Variants in SERPINF1 observed in about 807,000 individuals in gnomAD.
SERPINF1 encodes the protein pigment epithelium-derived factor.
SERPINF1 carries 29 observed loss-of-function variants against 37.3 expected under a neutral mutation model. The observed-to-expected ratio is 0.78, with a 90% CI of 0.58 to 1.06. The LOEUF is 1.06. Ranked by LOEUF, SERPINF1 falls within the 50% of genes least tolerant of loss-of-function variation. The pLI is 0.00. For synonymous variants in SERPINF1, 281 were observed against 227.9 expected (o/e 1.23, Z -2.10); for missense variants, 553 against 532.2 (o/e 1.04, Z -0.38).
Position 1,776,735 on chromosome 17 carries a change from G to A in SERPINF1, c.990G>A (p.Gln330=), listed in dbSNP as rs749777074. 5.6e-6 allele frequency: 9 copies of A among 1,613,032 alleles called. No individual in the cohort carries two copies. The South Asian group carries it at 6.6e-5, about 12-fold the overall frequency. Residue 330 remains glutamine (Q), a synonymous_variant, in exon 7 of 8, where the codon CAG becomes CAA. Coordinates refer to ENST00000254722, the MANE Select transcript of SERPINF1 (RefSeq NM_002615.7). ...AAGGCGAAGTCACCAAGTCCCTGCA[G>A]GAGATGAGTATGTCTGAAGACCCTT... ...SYEGEVTKSL[Q]EMKLQSLFDS... is the part of the protein sequence containing the mutation.
Position 1,769,936 on chromosome 17 carries a change from G to A in SERPINF1, c.169G>A (p.Ala57Thr), listed in dbSNP as rs1222766364. 1 of 1,614,098 alleles carries A rather than the reference G, an allele frequency of 6.2e-7. No homozygotes were observed. Among genetic ancestry groups the A allele is most frequent in the African/African-American group, 1.3e-5 (1 of 74,926 alleles). The stretch of plus-strand genomic sequence containing the variant: ...AGTCCCCGTGAACAAGCTGGCAGCG[G>A]CTGTCTCCAACTTCGGCTATGACCT... The part of the protein sequence containing the change: ...FKVPVNKLAA[A>T]VSNFGYDLYR... Residue 57 changes from alanine (A) to threonine (T), a missense_variant, in exon 3 of 8, where the codon GCT (alanine) becomes ACT (threonine). Physicochemically the swap from Ala to Thr is moderately conservative, Grantham distance 58. Coordinates refer to ENST00000254722, the MANE Select transcript of SERPINF1 (RefSeq NM_002615.7).
intron 5 of SERPINF1, among the ~76,000 whole-genome samples, chr17:1,774,347 C>T (rs989404667): frequency 6.6e-6 from 1 of 152,196 alleles, no homozygotes; most frequent in Non-Finnish European, 1.5e-5. Flanking sequence ...AGACACCCAC[C>T]ACTGCACCCG....
At position 1,767,066 on chromosome 17, in the gene SERPINF1, A is replaced by G. The variant is rs920579092; in HGVS notation, c.84+72A>G. ...CTTGGCAGGCAGCACGGGAAACAGG[A>G]CAGGGAACCCGGACCCAGGTTCCAG... On this transcript the variant is annotated intron_variant, in intron 2 of 7. Coordinates refer to ENST00000254722, the MANE Select transcript of SERPINF1 (RefSeq NM_002615.7). 1.5e-5 allele frequency: 20 copies of G among 1,371,318 alleles called. No homozygotes were observed. In the African/African-American group the frequency reaches 2.6e-4, roughly 18 times the overall value. The allele number at this position is 1,371,318 out of a possible 1,614,324, so 84.9% of individuals were successfully genotyped here.
chr17:1,767,883 G>C (rs1282788946), intron 2 of SERPINF1, among the ~76,000 whole-genome samples: 2 of 152,226 alleles, frequency 1.3e-5, no homozygotes, highest in African/African-American at 2.4e-5. Context: ...ACACCTACTC[G>C]ACAGGGGCTG....
chr17:1,774,781 A>G (rs980284267), intron 5 of SERPINF1, among the ~76,000 whole-genome samples: 1 of 152,186 alleles, frequency 6.6e-6, no homozygotes, highest in Non-Finnish European at 1.5e-5. Flanking sequence ...CTTTTCCTGC[A>G]GGCTATCACA....
rs5818836 is a variant in SERPINF1, at chr17:1,774,741, TG to T, written c.644-316del. On this transcript the variant is annotated intron_variant, in intron 5 of 7. Transcript: ENST00000254722. The stretch of plus-strand genomic sequence containing the variant: ...CCTCCCAATATGCTGGGATTCCAGG[TG>T]TGAGTTACCATGCCCGGCTACCACT... Among the ~76,000 whole-genome samples the T allele has an allele frequency of 3.2e-3, 484 of 152,212 alleles. 4 individuals are homozygous for T. The highest frequency in any genetic ancestry group is 0.011 in the African/African-American group (465 of 41,512).
At chr17:1,764,344 G>T (rs1363739012) in intron 1 of SERPINF1, among the ~76,000 whole-genome samples, 1 of 152,244 alleles carries the variant, frequency 6.6e-6, no homozygotes, top group Non-Finnish European at 1.5e-5. Context: ...CTCAGGGGAG[G>T]CAGGCTCCTG....
chr17:1,766,683 CA>C (rs1453346654), intron 1 of SERPINF1: 4 of 563,298 alleles, frequency 7.1e-6, no homozygotes, highest in African/African-American at 1.9e-5. Context: ...GGCCCTGAGG[CA>C]GGGGGAGGGG....
intron 5 of SERPINF1, 142 bp downstream of exon 5, chr17:1,772,217 A>G (rs1907790418): frequency 3.4e-6 from 3 of 873,030 alleles, no homozygotes; most frequent in African/African-American, 1.7e-5. Flanking sequence ...CCCAGGTTCA[A>G]GCAATTCTTG....
In SERPINF1 at chr17:1,776,516, TTCTCACTTG is replaced by T; in HGVS notation, c.787-10_787-2del. 1 of 1,613,632 alleles carries T rather than the reference TTCTCACTTG, an allele frequency of 6.2e-7. No homozygotes were observed. Among genetic ancestry groups the T allele is most frequent in the Admixed American group, 1.7e-5 (1 of 60,006 alleles). ...GGCTCTGAAGGACTAACCACATGCT[TTCTCACTTG>T]TCTCAGATTGCCCAGCTGCCCTTGA... On this transcript the variant is annotated splice_polypyrimidine_tract_variant and splice_region_variant and intron_variant, in intron 6 of 7. Coordinates refer to ENST00000254722, the MANE Select transcript of SERPINF1 (RefSeq NM_002615.7).
In SERPINF1 at chr17:1,771,918, T is replaced by C. The variant is rs144357336; in HGVS notation, c.486T>C (p.Tyr162=). 4.2e-5 allele frequency: 67 copies of C among 1,613,984 alleles called. 1 individual carries two copies. The highest frequency in any genetic ancestry group is 3.8e-4 in the South Asian group (35 of 91,078). ...SSFVAPLEKS[Y]GTRPRVLTGN... is the part of the protein sequence containing the mutation. ...TTGTGGCACCTCTGGAAAAGTCATA[T>C]GGGACCAGGCCCAGAGTCCTGACGG... The change falls in exon 5 of 8, where the codon TAT becomes TAC. Residue 162 remains tyrosine (Y), a synonymous_variant. Coordinates refer to ENST00000254722, the MANE Select transcript of SERPINF1 (RefSeq NM_002615.7).
intron 1 of SERPINF1, among the ~76,000 whole-genome samples, chr17:1,763,631 A>C (rs1042296753): frequency 4.6e-5 from 7 of 152,152 alleles, no homozygotes; most frequent in South Asian, 2.1e-4. Flanking sequence ...GTTTTCAATC[A>C]TCTCTCCTCT....
chr17:1,777,553 G>A lies in SERPINF1; in HGVS notation c.*107G>A, dbSNP rs1223642831. The A allele has an allele frequency of 2.4e-5, 33 of 1,372,406 alleles. No individual in the cohort carries two copies. In the Admixed American group the frequency reaches 5.9e-4, roughly 25 times the overall value. The allele number at this position is 1,372,406 out of a possible 1,614,324, so 85.0% of individuals were successfully genotyped here. A position where few individuals can be genotyped will look rare whatever the true frequency, so the allele number is the denominator to read the frequency against. On this transcript the variant is annotated 3_prime_UTR_variant, in exon 8 of 8. Transcript: ENST00000254722. ...AGGTTTCAATGCATACAATAAAAGAGCTTTATCCCTAACTTCTGTTACTTC... is the reference window on the plus strand; with the variant it reads ...AGGTTTCAATGCATACAATAAAAGAACTTTATCCCTAACTTCTGTTACTTC...
rs1907718496 is a variant in SERPINF1, at chr17:1,771,257, T to A, written c.439+73T>A. The A allele has an allele frequency of 6.2e-6, 9 of 1,461,108 alleles. 1 individual carries two copies. The highest frequency in any genetic ancestry group is 7.3e-6 in the Non-Finnish European group (8 of 1,092,000). 90.5% of individuals were successfully genotyped at this position (1,461,108 alleles called of 1,614,324 possible). A position where few individuals can be genotyped will look rare whatever the true frequency, so the allele number is the denominator to read the frequency against. ...GCTGCAGGCTGGGGGGGTCTTTTTT[T>A]TTTTTTTTTGAGACGGAGTCTCGCT... On this transcript the variant is annotated intron_variant, in intron 4 of 7. Transcript: ENST00000254722.
chr17:1,771,515 G>A lies in SERPINF1; in HGVS notation c.439+331G>A, dbSNP rs562048425. Among the ~76,000 whole-genome samples, 263 of 152,218 alleles carry A rather than the reference G, an allele frequency of 1.7e-3. 1 individual carries two copies. The highest frequency in any genetic ancestry group is 2.4e-3 in the Non-Finnish European group (161 of 68,002). On this transcript the variant is annotated intron_variant, in intron 4 of 7. Transcript: ENST00000254722. The stretch of plus-strand genomic sequence containing the variant: ...GACCTCCCAAAGTGCTGGGATTACA[G>A]GTGTGAGCCACCGCGCTCGGCCCGT...
chr17:1,767,823 C>T (rs1289423605), intron 2 of SERPINF1, among the ~76,000 whole-genome samples: 2 of 152,232 alleles, frequency 1.3e-5, no homozygotes, highest in Non-Finnish European at 2.9e-5. Flanking sequence ...GGGATAAAAA[C>T]ACCCATTCTA....
chr17:1,766,310 C>T (rs1247915759), intron 1 of SERPINF1: 1 of 152,184 alleles, frequency 6.6e-6, no homozygotes, highest in Non-Finnish European at 1.5e-5. Context: ...AACCCTAGCA[C>T]TTTGGGAGGC....
At chr17:1,767,116 T>G in intron 2 of SERPINF1, 122 bp downstream of exon 2, 8 of 790,166 alleles carry the variant, frequency 1.0e-5, no homozygotes, top group Non-Finnish European at 1.4e-5. Context: ...TTTATTTCTC[T>G]AGGGCTGGAG....
intron 4 of SERPINF1, 92 bp from the exon 5 acceptor site, chr17:1,771,780 C>A: frequency 2.4e-6 from 3 of 1,267,072 alleles, no homozygotes; most frequent in Non-Finnish European, 3.4e-6. Flanking sequence ...GCCTGCTGAG[C>A]GCTAAACCAG....
Sources: gnomAD v4.1 joint callset for allele counts (sites outside exome capture counted in the v4.1 genomes callset) on GRCh38, gnomAD v4.1.1 for gene constraint, MANE v1.5 for transcripts, NCBI Gene and HGNC (gene_info 2026-07-23, HGNC 2026-07-21) for gene names.